Variants in CAMK2D observed in about 807,000 individuals in gnomAD.
CAMK2D encodes calcium/calmodulin dependent protein kinase II delta, also known as calcium/calmodulin-dependent protein kinase type II subunit delta.
CAMK2D carries 37 observed loss-of-function variants against 84.0 expected under a neutral mutation model. The observed-to-expected ratio is 0.44, with a 90% CI of 0.34 to 0.58. CAMK2D has a LOEUF of 0.58. Among genes scored for constraint, CAMK2D ranks in the 20% least tolerant of loss-of-function variants. The pLI is 0.02. For synonymous variants in CAMK2D, 202 were observed against 212.5 expected, an observed-to-expected ratio of 0.95 and a Z score of 0.43; for missense variants, 448 against 652.5, an observed-to-expected ratio of 0.69 and a Z score of 3.41.
intron 4 of CAMK2D, among the ~76,000 whole-genome samples, chr4:113,554,744 TTAGA>T (rs2098653125): frequency 6.6e-6 from 1 of 152,146 alleles, no homozygotes; most frequent in Non-Finnish European, 1.5e-5. Context: ...GCCATAGTTA[TTAGA>T]TATTTTTGAA....
intron 4 of CAMK2D, among the ~76,000 whole-genome samples, chr4:113,587,897 G>T (rs2098841243): frequency 6.6e-6 from 1 of 152,060 alleles, no homozygotes; most frequent in Non-Finnish European, 1.5e-5. Context: ...ACTAGGAAAA[G>T]AAGCCAAATA....
rs1465831185 is a variant in CAMK2D at position 113,457,341 on chromosome 4, G to A, written c.1529C>T (p.Pro510Leu). 6.2e-7 allele frequency: 1 copy of A among 1,613,588 alleles called. No homozygotes were observed. Among genetic ancestry groups the A allele is most frequent in the African/African-American group, 1.3e-5 (1 of 74,990 alleles). ...ACAGCCTGGAAATATTTACTTGATG[G>A]GTACTGTTGGTGACCCCGAGCGATG... ...HFHRSGSPTV[P>L]IKPPCIPNGK... The change falls in exon 19 of 21, where the codon CCC becomes CTC. Residue 510 changes from proline to leucine, a missense_variant. This residue lies in a region of CAMK2D where 219 missense variants were observed against 272.1 expected (regional missense o/e 0.80). Coordinates refer to ENST00000511664, the MANE Select transcript of CAMK2D (RefSeq NM_001321571.2).
chr4:113,524,667 T>C (rs1226769127), intron 8 of CAMK2D, among the ~76,000 whole-genome samples: 1 of 152,160 alleles, frequency 6.6e-6, no homozygotes, highest in East Asian at 1.9e-4. Context: ...AGAAGTGGGA[T>C]TGCTGCATCC....
intron 3 of CAMK2D, among the ~76,000 whole-genome samples, chr4:113,615,693 G>A (rs1231292012): frequency 6.6e-6 from 1 of 152,032 alleles, no homozygotes; most frequent in East Asian, 1.9e-4. Context: ...AAATAGAGAT[G>A]TTCATTTTTA....
chr4:113,486,837 T>C (rs2097770377), intron 16 of CAMK2D, among the ~76,000 whole-genome samples: 1 of 152,248 alleles, frequency 6.6e-6, no homozygotes, highest in Non-Finnish European at 1.5e-5. Flanking sequence ...TATTGATTTA[T>C]ACTAGAATAC....
At chr4:113,746,982 A>ATATC (rs1443929263) in intron 2 of CAMK2D, among the ~76,000 whole-genome samples, 1 of 149,820 alleles carries the variant, frequency 6.7e-6, no homozygotes, top group African/African-American at 2.4e-5. Flanking sequence ...TTAATAATAT[A>ATATC]TATATATATA....
chr4:113,628,979 T>C (rs1298563923), intron 3 of CAMK2D, among the ~76,000 whole-genome samples: 2 of 151,968 alleles, frequency 1.3e-5, no homozygotes, highest in Admixed American at 6.6e-5. Context: ...GGAAGAACAT[T>C]TCCACCAACG....
chr4:113,567,210 C>G (rs968518136), intron 4 of CAMK2D, among the ~76,000 whole-genome samples: 1 of 150,156 alleles, frequency 6.7e-6, no homozygotes, highest in African/African-American at 2.5e-5. Flanking sequence ...CTCTGTCACC[C>G]AGGCTGTAGC....
intron 4 of CAMK2D, among the ~76,000 whole-genome samples, chr4:113,580,026 G>A (rs2154239925): frequency 6.6e-6 from 1 of 152,294 alleles, no homozygotes; most frequent in East Asian, 1.9e-4. Flanking sequence ...ACATAACTAT[G>A]TGGTTTCCTT....
chr4:113,571,448 A>G (rs1438615701), intron 4 of CAMK2D, among the ~76,000 whole-genome samples: 1 of 152,256 alleles, frequency 6.6e-6, no homozygotes, highest in Non-Finnish European at 1.5e-5. Flanking sequence ...AATACTATTC[A>G]GCCTTTAAAA....
chr4:113,479,736 T>C (rs966039446), intron 16 of CAMK2D, among the ~76,000 whole-genome samples: 16 of 152,226 alleles, frequency 1.1e-4, no homozygotes, highest in African/African-American at 3.9e-4. Context: ...TACCTACTTA[T>C]CTAAAATAAA....
intron 14 of CAMK2D, among the ~76,000 whole-genome samples, chr4:113,503,583 AACTAATCT>A (rs1204315450): frequency 1.3e-5 from 2 of 152,296 alleles, no homozygotes; most frequent in East Asian, 3.9e-4. Flanking sequence ...CATGAACTAG[AACTAATCT>A]ACTAATCTAG....
intron 17 of CAMK2D, among the ~76,000 whole-genome samples, chr4:113,463,915 T>C (rs564866633): frequency 4.6e-5 from 7 of 152,238 alleles, no homozygotes; most frequent in Non-Finnish European, 7.3e-5. Flanking sequence ...TTTGTTCATG[T>C]TTTACATAAA....
intron 3 of CAMK2D, among the ~76,000 whole-genome samples, chr4:113,634,545 C>CACA: frequency 6.6e-6 from 1 of 152,152 alleles, no homozygotes; most frequent in East Asian, 1.9e-4. Flanking sequence ...TGCTGGCAGT[C>CACA]ACAGGTCCAA....
At chr4:113,658,857 G>A (rs1592616936) in intron 3 of CAMK2D, among the ~76,000 whole-genome samples, 2 of 152,124 alleles carry the variant, frequency 1.3e-5, no homozygotes, top group African/African-American at 4.8e-5. Context: ...AGGGTTCAAG[G>A]ACCTAGAATT....
At chr4:113,656,483 G>C (rs2099201134) in intron 3 of CAMK2D, among the ~76,000 whole-genome samples, 1 of 152,026 alleles carries the variant, frequency 6.6e-6, no homozygotes, top group East Asian at 1.9e-4. Flanking sequence ...CATGTAACTA[G>C]GAAACCATTT....
In CAMK2D at chr4:113,452,807, A is replaced by G. The variant is rs2097266680; in HGVS notation, c.*1738T>C. On this transcript the variant is annotated 3_prime_UTR_variant, in exon 21 of 21. Coordinates refer to ENST00000511664, the MANE Select transcript of CAMK2D (RefSeq NM_001321571.2). ...CAGGTTAACATGGCTCAATATATTT[A>G]CTGTATATATTTATTTTAAATATAT... is the stretch of plus-strand genomic sequence containing the variant. 6.6e-6 allele frequency: 1 copy of G among 152,464 alleles called. No individual in the cohort carries two copies. The highest frequency in any genetic ancestry group is 6.6e-5 in the Admixed American group (1 of 15,254). 9.4% of individuals were successfully genotyped at this position (152,464 alleles called of 1,614,324 possible). A position where few individuals can be genotyped will look rare whatever the true frequency, so the allele number is the denominator to read the frequency against.
intron 16 of CAMK2D, among the ~76,000 whole-genome samples, chr4:113,477,849 T>C (rs1242705921): frequency 6.6e-6 from 1 of 152,052 alleles, no homozygotes; most frequent in Admixed American, 6.6e-5. Context: ...TTATGAGCCA[T>C]ATATTTCAGA....
At chr4:113,628,536 T>A (rs1359962245) in intron 3 of CAMK2D, among the ~76,000 whole-genome samples, 1 of 152,158 alleles carries the variant, frequency 6.6e-6, no homozygotes, top group Non-Finnish European at 1.5e-5. Flanking sequence ...TCTATCATAC[T>A]CTCTGATCCT....
Sources: gnomAD v4.1 joint callset for allele counts (sites outside exome capture counted in the v4.1 genomes callset) on GRCh38, gnomAD v4.1.1 for gene constraint, gnomAD v4.1.1 regional missense constraint, MANE v1.5 for transcripts, NCBI Gene and HGNC (gene_info 2026-07-23, HGNC 2026-07-21) for gene names.